Variants in MROH1 observed in about 807,000 individuals in gnomAD.
MROH1 encodes maestro heat like repeat family member 1.
Under a neutral mutation model 116.5 loss-of-function variants are expected in MROH1, and 117 were observed. That is an observed-to-expected ratio of 1.00 (90% CI 0.86 to 1.17). MROH1 has a LOEUF of 1.17. Ranked by LOEUF, MROH1 falls within the 50% of genes most tolerant of loss-of-function variation. MROH1 has a pLI of 0.00. For synonymous variants in MROH1, 921 were observed against 583.9 expected (o/e 1.58, Z -8.32); for missense variants, 1,873 against 1,338.5 (o/e 1.40, Z -6.23).
chr8:144,218,923 C>A (rs1836098059), intron 12 of MROH1, among the ~76,000 whole-genome samples: 1 of 125,672 alleles, frequency 8.0e-6, no homozygotes, highest in Non-Finnish European at 1.7e-5. Flanking sequence ...CAACCTCCGC[C>A]TCCTGGGCTC....
rs541569521 is a variant in MROH1 at position 144,174,942 on chromosome 8, G to T, written c.169-4513G>T. On this transcript the variant is annotated intron_variant, in intron 4 of 43. Transcript: ENST00000326134. Reference sequence around the variant, plus strand: ...AGTGACAGATGGAGATGCCACAGTTGTGAGTGGAATCTGGAGAACTCAGTC... The same window carrying T: ...AGTGACAGATGGAGATGCCACAGTTTTGAGTGGAATCTGGAGAACTCAGTC... 7.1e-6 allele frequency: 7 copies of T among 985,442 alleles called. No homozygotes were observed. The African/African-American group carries it at 1.0e-4, about 15-fold the overall frequency. The allele number at this position is 985,442 out of a possible 1,614,324, so 61.0% of individuals were successfully genotyped here. A position where few individuals can be genotyped will look rare whatever the true frequency, so the allele number is the denominator to read the frequency against.
intron 14 of MROH1, among the ~76,000 whole-genome samples, chr8:144,228,518 C>T (rs775936321): frequency 2.0e-5 from 3 of 152,116 alleles, no homozygotes; most frequent in Non-Finnish European, 4.4e-5. Flanking sequence ...GGCTGGAGTG[C>T]AGTGGCGCAA....
intron 4 of MROH1, chr8:144,174,770 A>G (rs1400475711): frequency 2.1e-6 from 2 of 944,532 alleles, no homozygotes; most frequent in Non-Finnish European, 2.5e-6. Flanking sequence ...GGTGTGAGCC[A>G]CTGTGGCTGG....
intron 12 of MROH1, among the ~76,000 whole-genome samples, chr8:144,207,486 C>T (rs1273046392): frequency 6.6e-6 from 1 of 152,176 alleles, no homozygotes; most frequent in Non-Finnish European, 1.5e-5. Context: ...CACGCCCGAC[C>T]CCTGTTCAGG....
chr8:144,154,214 G>A (rs1817521983), intron 1 of MROH1, among the ~76,000 whole-genome samples: 1 of 152,046 alleles, frequency 6.6e-6, no homozygotes, highest in East Asian at 1.9e-4. Flanking sequence ...ACAGGCACGT[G>A]CCACCACGCC....
At chr8:144,213,540 G>A in intron 12 of MROH1, 1 of 154,830 alleles carries the variant, frequency 6.5e-6, no homozygotes. Flanking sequence ...TGTAATCCCA[G>A]TACTTTGGGA....
In MROH1 at chr8:144,241,008, G is replaced by T. The variant is rs1840884872; in HGVS notation, c.1952G>T (p.Cys651Phe). The change falls in exon 21 of 44, where the codon TGC becomes TTC. Residue 651 changes from cysteine to phenylalanine, a missense_variant. Physicochemically the swap from Cys to Phe is radical, Grantham distance 205 (BLOSUM62 -2). Coordinates refer to ENST00000326134, the MANE Select transcript of MROH1 (RefSeq NM_032450.3). ...TTGTTTCAGAACTTCCTGTACAAAT[G>T]CATAGGCACCACCCTGGGTGCTGCT... ...APQEKNFLYK[C>F]IGTTLGAASS... The T allele has an allele frequency of 1.3e-6, 1 of 766,564 alleles. No individual in the cohort carries two copies. The highest frequency in any genetic ancestry group is 2.4e-6 in the Non-Finnish European group (1 of 411,652). 47.5% of individuals were successfully genotyped at this position (766,564 alleles called of 1,614,324 possible).
intron 14 of MROH1, among the ~76,000 whole-genome samples, chr8:144,238,246 A>G (rs1216862206): frequency 2.6e-5 from 4 of 152,034 alleles, no homozygotes; most frequent in South Asian, 2.1e-4. Context: ...CATTTTTCCA[A>G]ATATGCCGCT....
chr8:144,253,018 G>A (rs972015482), intron 33 of MROH1, among the ~76,000 whole-genome samples: 7 of 149,760 alleles, frequency 4.7e-5, no homozygotes, highest in Non-Finnish European at 8.9e-5. Context: ...GCTAGGCGTG[G>A]CAGCACGTGT....
chr8:144,153,413 T>G (rs1817324363), intron 1 of MROH1, among the ~76,000 whole-genome samples: 1 of 152,048 alleles, frequency 6.6e-6, no homozygotes, highest in Admixed American at 6.6e-5. Context: ...GCCAGTCTGG[T>G]CTCGAACTCC....
In MROH1 at chr8:144,164,541, C is replaced by T. The variant is rs192042050; in HGVS notation, c.22+693C>T. Among the ~76,000 whole-genome samples, 256 of 151,440 alleles carry T rather than the reference C, an allele frequency of 1.7e-3. 1 individual carries two copies. The highest frequency in any genetic ancestry group is 2.8e-3 in the Non-Finnish European group (187 of 67,760). ...TACCTCAGCCTCCCAAGTAGCTGGG[C>T]CTACAGGTGCATGCCACTATGCCCA... is the stretch of plus-strand genomic sequence containing the variant. On this transcript the variant is annotated intron_variant, in intron 3 of 43. Coordinates refer to ENST00000326134, the MANE Select transcript of MROH1 (RefSeq NM_032450.3).
Position 144,191,718 on chromosome 8 carries a change from C to T in MROH1, c.718C>T (p.Arg240Cys), listed in dbSNP as rs762294416. 1.6e-5 allele frequency: 25 copies of T among 1,612,368 alleles called. No homozygotes were observed. The highest frequency in any genetic ancestry group is 3.3e-5 in the Admixed American group (2 of 59,862). ...QWLQSREAKL[R>C]LAVVEALGPM... The stretch of plus-strand genomic sequence containing the variant: ...CCCGCCCACTGTCCCCTCTCAGCTC[C>T]GTCTTGCCGTGGTGGAGGCTCTGGG... Residue 240 changes from arginine to cysteine, a missense_variant, in exon 9 of 44, where the codon CGT (arginine) becomes TGT (cysteine). Coordinates refer to ENST00000326134, the MANE Select transcript of MROH1 (RefSeq NM_032450.3).
chr8:144,225,071 C>G (rs745650709), intron 14 of MROH1, among the ~76,000 whole-genome samples: 9 of 151,978 alleles, frequency 5.9e-5, no homozygotes, highest in Non-Finnish European at 1.2e-4. Context: ...CAAGGTCTCA[C>G]TCTGTTGCCA....
At chr8:144,183,448 T>G (rs1336229423) in intron 7 of MROH1, among the ~76,000 whole-genome samples, 1 of 150,266 alleles carries the variant, frequency 6.7e-6, no homozygotes, top group Non-Finnish European at 1.5e-5. Flanking sequence ...TATGGTGGTC[T>G]GTTATTCTGA....
In MROH1 at chr8:144,180,276, G is replaced by A; in HGVS notation, c.399G>A (p.Leu133=). 6.2e-7 allele frequency: 1 copy of A among 1,610,386 alleles called. No individual in the cohort carries two copies. ...SKVMEELLRR[L]HPGTLPHCAV... ...TGATGGAGGAGCTGCTGCGCAGGCT[G>A]CACCCTGGGACCCTGCCACACTGCG... Residue 133 remains leucine (L), a synonymous_variant, in exon 6 of 44, where the codon CTG becomes CTA. Coordinates refer to ENST00000326134, the MANE Select transcript of MROH1 (RefSeq NM_032450.3). The surrounding 1 kb of genome is among the most constrained non-coding windows in gnomAD (Gnocchi z 7.4).
chr8:144,152,558 T>A lies in MROH1; in HGVS notation c.-177+4482T>A, dbSNP rs1013468388. Among the ~76,000 whole-genome samples the A allele has an allele frequency of 8.6e-3, 1,120 of 129,950 alleles. 7 individuals carry two copies. Among genetic ancestry groups the A allele is most frequent in the African/African-American group, 0.021 (439 of 20,988 alleles). The allele number at this position is 129,950 out of a possible 152,430, so 85.3% of individuals were successfully genotyped here. A position where few individuals can be genotyped will look rare whatever the true frequency, so the allele number is the denominator to read the frequency against. The stretch of plus-strand genomic sequence containing the variant: ...CGTGTGAAAAATTATTATTATTATT[T>A]TTTTTTTTGAGACAGTCTCGCTCTG... On this transcript the variant is annotated intron_variant, in intron 1 of 43. Coordinates refer to ENST00000326134, the MANE Select transcript of MROH1 (RefSeq NM_032450.3).
At chr8:144,150,820 G>A (rs1356980910) in intron 1 of MROH1, among the ~76,000 whole-genome samples, 2 of 152,174 alleles carry the variant, frequency 1.3e-5, no homozygotes, top group Non-Finnish European at 2.9e-5. Context: ...GCTGGGTAGA[G>A]TAGAGCATGG....
Position 144,249,002 on chromosome 8 carries a change from G to A in MROH1, c.3246G>A (p.Gln1082=). The change falls in exon 32 of 44, where the codon CAG becomes CAA. Residue 1082 remains glutamine, a synonymous_variant. Coordinates refer to ENST00000326134, the MANE Select transcript of MROH1 (RefSeq NM_032450.3). The stretch of plus-strand genomic sequence containing the variant: ...CCGTCATGATCAACTGCCTGCTGCA[G>A]GAGCGGGGCGGTGTGCTCCAGGAGA... ...AATVMINCLL[Q]ERGGVLQEKV... 1.4e-6 allele frequency: 1 copy of A among 722,046 alleles called. No homozygotes were observed. Among genetic ancestry groups the A allele is most frequent in the Non-Finnish European group, 2.6e-6 (1 of 387,202 alleles). The allele number at this position is 722,046 out of a possible 1,614,324, so 44.7% of individuals were successfully genotyped here.
chr8:144,175,121 G>T, intron 4 of MROH1: 1 of 985,476 alleles, frequency 1.0e-6, no homozygotes, highest in Non-Finnish European at 1.2e-6. Flanking sequence ...GGAGATGGCA[G>T]CTGTGGGTCT....
Sources: allele counts gnomAD v4.1 joint callset (sites outside exome capture counted in the v4.1 genomes callset), GRCh38; gene constraint gnomAD v4.1.1; non-coding constraint Gnocchi (gnomAD v3.1); transcripts MANE v1.5; gene names NCBI Gene and HGNC (gene_info 2026-07-23, HGNC 2026-07-21).